The following LRMDA variants were observed in gnomAD, a reference collection of about 807,000 sequenced individuals.
LRMDA encodes the protein leucine rich melanocyte differentiation associated.
A neutral mutation model predicts 29.8 loss-of-function variants in LRMDA; 18 were observed. That is an observed-to-expected ratio of 0.60 (90% CI 0.42 to 0.90). LRMDA has a LOEUF of 0.90. LRMDA is among the 40% of genes least tolerant of loss of function. The probability of loss-of-function intolerance (pLI) is 0.00; values close to 1 mark genes in which losing one functional copy is unlikely to be tolerated. For synonymous variants in LRMDA, 125 were observed against 109.4 expected, an observed-to-expected ratio of 1.14 and a Z score of -0.89; for missense variants, 273 against 273.9, an observed-to-expected ratio of 1.00 and a Z score of 0.02.
chr10:76,144,180 T>A (rs1564665237), intron 5 of LRMDA, among the ~76,000 whole-genome samples: 1 of 152,218 alleles, frequency 6.6e-6, no homozygotes, highest in Admixed American at 6.5e-5. Context: ...TGCGGGCTCT[T>A]TTTTGGTTCC....
At chr10:76,446,943 A>C (rs1424375180) in intron 6 of LRMDA, among the ~76,000 whole-genome samples, 4 of 152,234 alleles carry the variant, frequency 2.6e-5, no homozygotes, top group African/African-American at 9.6e-5. Flanking sequence ...GTTATGGAAA[A>C]GTTCTCTATT....
Position 76,345,376 on chromosome 10 carries a change from A to C in LRMDA, c.601+20891A>C, listed in dbSNP as rs1479947136. Among the ~76,000 whole-genome samples, 3 of 150,058 alleles carry C rather than the reference A, an allele frequency of 2.0e-5. No individual in the cohort carries two copies. In the East Asian group the frequency reaches 5.8e-4, roughly 29 times the overall value. On this transcript the variant is annotated intron_variant, in intron 6 of 6. Coordinates refer to ENST00000611255, the MANE Select transcript of LRMDA (RefSeq NM_001305581.2). Reference sequence around the variant, plus strand: ...CGTGAGCCACCGCGCCCGGCCCACAAAACCTTTTAAGCAAAGTCAAAAATG... The same window carrying C: ...CGTGAGCCACCGCGCCCGGCCCACACAACCTTTTAAGCAAAGTCAAAAATG...
At chr10:75,806,043 C>T (rs1440103905) in intron 2 of LRMDA, among the ~76,000 whole-genome samples, 1 of 152,104 alleles carries the variant, frequency 6.6e-6, no homozygotes, top group African/African-American at 2.4e-5. Context: ...TTACTCATGG[C>T]AGGAGGCGAA....
At chr10:75,494,403 T>C (rs1845022109) in intron 2 of LRMDA, among the ~76,000 whole-genome samples, 1 of 152,136 alleles carries the variant, frequency 6.6e-6, no homozygotes, top group African/African-American at 2.4e-5. Context: ...CCTAAAGAGA[T>C]GTTATTTATG....
chr10:76,520,268 T>C (rs1843105297), intron 6 of LRMDA, among the ~76,000 whole-genome samples: 1 of 152,098 alleles, frequency 6.6e-6, no homozygotes, highest in Non-Finnish European at 1.5e-5. Flanking sequence ...TTTCAGTTTT[T>C]TTTTTTACAA....
At chr10:75,970,723 T>C (rs1846951473) in intron 2 of LRMDA, among the ~76,000 whole-genome samples, 1 of 152,196 alleles carries the variant, frequency 6.6e-6, no homozygotes, top group Non-Finnish European at 1.5e-5. Context: ...CAGTGTGGGC[T>C]TGGAAGAGGA....
At chr10:76,345,469 T>C (rs965946594) in intron 6 of LRMDA, among the ~76,000 whole-genome samples, 1 of 148,122 alleles carries the variant, frequency 6.8e-6, no homozygotes, top group Non-Finnish European at 1.5e-5. Context: ...TATATATTTA[T>C]TTTATATATA....
chr10:76,491,254 C>G (rs1842831275), intron 6 of LRMDA, among the ~76,000 whole-genome samples: 1 of 151,866 alleles, frequency 6.6e-6, no homozygotes, highest in African/African-American at 2.4e-5. Context: ...TTTCTGTGTA[C>G]TTAGTAAGAC....
At chr10:75,919,060 C>G (rs918131230) in intron 2 of LRMDA, among the ~76,000 whole-genome samples, 2 of 152,106 alleles carry the variant, frequency 1.3e-5, no homozygotes, top group African/African-American at 4.8e-5. Flanking sequence ...TCACAAGGGC[C>G]GTAGGAAGTA....
At chr10:75,687,004 G>T (rs1219173651) in intron 2 of LRMDA, among the ~76,000 whole-genome samples, 1 of 152,166 alleles carries the variant, frequency 6.6e-6, no homozygotes, top group Non-Finnish European at 1.5e-5. Context: ...ACAGAGAACT[G>T]AATAAATGCT....
intron 2 of LRMDA, among the ~76,000 whole-genome samples, chr10:75,655,071 T>A (rs996976186): frequency 2.6e-5 from 4 of 152,260 alleles, no homozygotes; most frequent in Non-Finnish European, 4.4e-5. Flanking sequence ...TTTGTTATCA[T>A]GAAAACATTA....
intron 6 of LRMDA, among the ~76,000 whole-genome samples, chr10:76,436,774 G>A (rs943730512): frequency 7.9e-5 from 12 of 152,146 alleles, no homozygotes; most frequent in African/African-American, 2.7e-4. Context: ...TATTCAGTAC[G>A]GTTGAGTGAC....
chr10:76,004,869 A>G (rs990700584), intron 2 of LRMDA, among the ~76,000 whole-genome samples: 23 of 151,820 alleles, frequency 1.5e-4, no homozygotes, highest in Admixed American at 2.6e-4. Flanking sequence ...CTGGGACTAC[A>G]GGCGCCTGCC....
At position 75,491,743 on chromosome 10, in the gene LRMDA, G is replaced by T. The variant is rs557084235; in HGVS notation, c.131+53249G>T. 2.6e-3 allele frequency among the ~76,000 whole-genome samples: 403 copies of T among 152,236 alleles called. 2 individuals are homozygous for T. Among genetic ancestry groups the T allele is most frequent in the African/African-American group, 9.3e-3 (387 of 41,534 alleles). On this transcript the variant is annotated intron_variant, in intron 2 of 6. Coordinates refer to ENST00000611255, the MANE Select transcript of LRMDA (RefSeq NM_001305581.2). ...TGGTCAGATGTAGGGATTTGGTCTT[G>T]ACTGGTTTGAGAATGTGCTGTCTTC...
chr10:76,341,868 T>C (rs1243346032), intron 6 of LRMDA, among the ~76,000 whole-genome samples: 1 of 152,084 alleles, frequency 6.6e-6, no homozygotes, highest in African/African-American at 2.4e-5. Flanking sequence ...CAGGCAGAAA[T>C]AATAGAATCT....
At chr10:75,458,295 C>T (rs1364889826) in intron 2 of LRMDA, among the ~76,000 whole-genome samples, 2 of 152,102 alleles carry the variant, frequency 1.3e-5, no homozygotes, top group Non-Finnish European at 2.9e-5. Context: ...GGTCCTATGG[C>T]ATTGGTTGTT....
chr10:75,805,473 A>G (rs1008350466), intron 2 of LRMDA, among the ~76,000 whole-genome samples: 1 of 152,238 alleles, frequency 6.6e-6, no homozygotes, highest in Non-Finnish European at 1.5e-5. Flanking sequence ...CCAACAGAGT[A>G]GACATTTCCA....
chr10:76,454,465 G>A (rs937132757), intron 6 of LRMDA, among the ~76,000 whole-genome samples: 1 of 151,968 alleles, frequency 6.6e-6, no homozygotes, highest in Non-Finnish European at 1.5e-5. Flanking sequence ...CCTAAAACGA[G>A]CAAAACAAGC....
chr10:76,162,832 T>A (rs1850672217), intron 5 of LRMDA, among the ~76,000 whole-genome samples: 2 of 152,152 alleles, frequency 1.3e-5, no homozygotes, highest in Admixed American at 1.3e-4. Flanking sequence ...ATGCAGGTGA[T>A]CACTACCTAC....
Sources: allele counts gnomAD v4.1 joint callset (sites outside exome capture counted in the v4.1 genomes callset), GRCh38; gene constraint gnomAD v4.1.1; transcripts MANE v1.5; gene names NCBI Gene and HGNC (gene_info 2026-07-23, HGNC 2026-07-21).